The following KANSL1 variants were observed in gnomAD, a reference collection of about 807,000 sequenced individuals.
KANSL1 encodes MLL1/MLL complex subunit KANSL1.
KANSL1 carries 22 observed loss-of-function variants against 103.6 expected under a neutral mutation model. The observed-to-expected ratio is 0.21, with a 90% confidence interval of 0.15 to 0.30. The LOEUF is 0.30. Among genes scored for constraint, KANSL1 ranks in the 10% least tolerant of loss-of-function variants. KANSL1 has a pLI of 1.00. For synonymous variants in KANSL1, 600 were observed against 527.6 expected, an observed-to-expected ratio of 1.14 and a Z score of -1.88; for missense variants, 1,337 against 1,399.8, an observed-to-expected ratio of 0.96 and a Z score of 0.72.
chr17:46,096,013 A>G (rs2042045881), intron 2 of KANSL1, among the ~76,000 whole-genome samples: 1 of 152,218 alleles, frequency 6.6e-6, no homozygotes, highest in Non-Finnish European at 1.5e-5. Context: ...GGTGGTGAGA[A>G]ATGGAAAAGA....
At chr17:46,212,233 T>C (rs2048188378) in intron 1 of KANSL1, among the ~76,000 whole-genome samples, 1 of 152,182 alleles carries the variant, frequency 6.6e-6, no homozygotes, top group Non-Finnish European at 1.5e-5. Flanking sequence ...AATTCTTTTT[T>C]TTTTTTTAGA....
intron 2 of KANSL1, among the ~76,000 whole-genome samples, chr17:46,107,033 A>G (rs2042596408): frequency 1.3e-5 from 2 of 152,238 alleles, no homozygotes; most frequent in Non-Finnish European, 2.9e-5. Flanking sequence ...AAGGAACAAC[A>G]CAGTGACAAA....
intron 6 of KANSL1, among the ~76,000 whole-genome samples, chr17:46,052,964 CAAAAAAAAAAAAAAAAAAAAAAAAA>C (rs34473927): frequency 3.2e-3 from 106 of 33,004 alleles, no homozygotes; most frequent in Admixed American, 4.7e-3. Flanking sequence ...ATCCTGTCTC[CAAAAAAAAAAAAAAAAAAAAAAAAA>C]AAAAAAAAAA....
chr17:46,058,710 A>AACACACAC (rs749406954), intron 6 of KANSL1, among the ~76,000 whole-genome samples: 3 of 124,470 alleles, frequency 2.4e-5, no homozygotes, highest in African/African-American at 6.3e-5. Flanking sequence ...CCAGATTTAA[A>AACACACAC]ACACACACAC....
intron 7 of KANSL1, among the ~76,000 whole-genome samples, chr17:46,049,007 T>TA (rs750963727): frequency 2.6e-5 from 4 of 152,196 alleles, no homozygotes; most frequent in Admixed American, 2.0e-4. Context: ...CTCGAAGAGT[T>TA]AGAGGGAAAT....
chr17:46,215,800 G>T (rs968136337), intron 1 of KANSL1, among the ~76,000 whole-genome samples: 1 of 152,206 alleles, frequency 6.6e-6, no homozygotes, highest in Admixed American at 6.5e-5. Context: ...CAGCACTTTG[G>T]GAGGCTGAGG....
intron 4 of KANSL1, among the ~76,000 whole-genome samples, chr17:46,078,423 C>CA (rs2078866219): frequency 6.6e-6 from 1 of 152,198 alleles, no homozygotes; most frequent in Non-Finnish European, 1.5e-5. Flanking sequence ...CAGGGGTGAG[C>CA]ACAAAGATCT....
At chr17:46,164,673 T>C (rs879934697) in intron 2 of KANSL1, among the ~76,000 whole-genome samples, 11 of 152,270 alleles carry the variant, frequency 7.2e-5, no homozygotes, top group Non-Finnish European at 1.6e-4. Context: ...TTTCAACTTA[T>C]ACCAGTGCTT....
intron 4 of KANSL1, among the ~76,000 whole-genome samples, chr17:46,071,275 TGTGGCTGGCCTGCATTCCCA>T (rs367970339): frequency 2.2e-4 from 34 of 152,306 alleles, no homozygotes; most frequent in Non-Finnish European, 2.8e-4. Flanking sequence ...AGAAAGGGAC[TGTGGCTGGCCTGCATTCCCA>T]GCCACAAAAA....
At chr17:46,092,071 T>C (rs62061772) in intron 3 of KANSL1, among the ~76,000 whole-genome samples, 21,642 of 151,914 alleles carry the variant, frequency 0.14, 2,124 homozygotes, top group Non-Finnish European at 0.22. Flanking sequence ...CCACCCACCT[T>C]GGACTCCCAT....
chr17:46,125,035 GGGAGGGAGGGA>G (rs1306751658), intron 2 of KANSL1, among the ~76,000 whole-genome samples: 1,987 of 58,156 alleles, frequency 0.034, 302 homozygotes, highest in East Asian at 0.3. Flanking sequence ...AGGGGAGGTA[GGGAGGGAGGGA>G]GGAGGGAGGG....
At chr17:46,035,505 TTCTC>T (rs1360754020) in intron 10 of KANSL1, 1 of 152,214 alleles carries the variant, frequency 6.6e-6, no homozygotes, top group Non-Finnish European at 1.5e-5. Context: ...TTCAATTTCT[TTCTC>T]TATCAAATCA....
chr17:46,212,640 A>G (rs985036899), intron 1 of KANSL1, among the ~76,000 whole-genome samples: 12 of 152,242 alleles, frequency 7.9e-5, no homozygotes, highest in Middle Eastern at 3.2e-3. Flanking sequence ...ACTAATATGA[A>G]TAATGTTACA....
At chr17:46,210,024 A>G (rs2696465) in intron 1 of KANSL1, among the ~76,000 whole-genome samples, 18,634 of 150,168 alleles carry the variant, frequency 0.12, 22 homozygotes, top group Middle Eastern at 0.19. Context: ...CCATCTACTC[A>G]AGTAGGCTGC....
chr17:46,044,537 C>G (rs543588182), intron 7 of KANSL1: 1 of 152,290 alleles, frequency 6.6e-6, no homozygotes, highest in East Asian at 1.9e-4. Context: ...GCAGGTGGTG[C>G]TCTTATTAAG....
chr17:46,171,278 C>T lies in KANSL1; in HGVS notation c.866G>A (p.Arg289Gln), dbSNP rs763799758. The T allele has an allele frequency of 5.0e-6, 8 of 1,613,912 alleles. No homozygotes were observed. Among genetic ancestry groups the T allele is most frequent in the Admixed American group, 1.7e-5 (1 of 59,988 alleles). Residue 289 changes from arginine to glutamine, a missense_variant, in exon 2 of 15, where the codon CGG (arginine) becomes CAG (glutamine). Coordinates refer to ENST00000432791, the MANE Select transcript of KANSL1 (RefSeq NM_015443.4). ...DSDTRITALL[R>Q]RQADIESRAR... ...ACGGCTCTCAATGTCAGCCTGTCGC[C>T]GCAGTAAAGCTGTTATCCTTGTGTC...
Position 46,105,937 on chromosome 17 carries a change from ACACACACACACCCCC to A in KANSL1, c.1290-11251_1290-11237del, listed in dbSNP as rs1567680760. On this transcript the variant is annotated intron_variant, in intron 2 of 14. Coordinates refer to ENST00000432791, the MANE Select transcript of KANSL1 (RefSeq NM_015443.4). ...CACACACACACACACACACACACAC[ACACACACACACCCCC>A]CCAGAAGGGTGAAGGAGCAGAAAAG... 5.6e-3 allele frequency among the ~76,000 whole-genome samples: 466 copies of A among 82,788 alleles called. 4 individuals carry two copies. The highest frequency in any genetic ancestry group is 0.012 in the Middle Eastern group (2 of 168). The allele number at this position is 82,788 out of a possible 152,430, so 54.3% of individuals were successfully genotyped here.
At chr17:46,033,647 C>T in intron 11 of KANSL1, 187 bp from the exon 12 acceptor site, 1 of 625,510 alleles carries the variant, frequency 1.6e-6, no homozygotes, top group Non-Finnish European at 2.9e-6. Context: ...GCCACCTACT[C>T]AAATGCCCAA....
intron 3 of KANSL1, among the ~76,000 whole-genome samples, chr17:46,090,735 T>C (rs2079351407): frequency 1.3e-5 from 2 of 152,246 alleles, no homozygotes; most frequent in Admixed American, 1.3e-4. Context: ...AGACCACATA[T>C]ACAATGATGG....
Sources: allele counts gnomAD v4.1 joint callset (sites outside exome capture counted in the v4.1 genomes callset), GRCh38; gene constraint gnomAD v4.1.1; transcripts MANE v1.5; gene names NCBI Gene and HGNC (gene_info 2026-07-23, HGNC 2026-07-21).